Variants in GNAS observed in about 807,000 individuals in gnomAD.
GNAS encodes GNAS complex locus.
A neutral mutation model predicts 54.5 loss-of-function variants in GNAS; 8 were observed. That is an observed-to-expected ratio of 0.15 (90% CI 0.09 to 0.26). The LOEUF is 0.26. Among genes scored for constraint, GNAS ranks in the 10% least tolerant of loss-of-function variants. GNAS has a pLI of 1.00. For synonymous variants in GNAS, 204 were observed against 191.4 expected, an observed-to-expected ratio of 1.07 and a Z score of -0.54; for missense variants, 170 against 529.8, an observed-to-expected ratio of 0.32 and a Z score of 6.67.
chr20:58,900,049 A>G (rs1429726163), intron 3 of GNAS: 13 of 701,348 alleles, frequency 1.9e-5, no homozygotes, highest in Admixed American at 6.3e-5. Flanking sequence ...AACTTCTAAT[A>G]AGAATACTAT....
In GNAS at chr20:58,840,922, G is replaced by T. The variant is rs1181601026; in HGVS notation, c.43+36G>T. ...CACCGCTAAACTGGGGAGCCTGAGG[G>T]CGGTGTGGGAGCAGCGCAGGTGGAA... On this transcript the variant is annotated intron_variant, in intron 1 of 12. Transcript: ENST00000306090. This position sits in a 1 kb window ranked among gnomAD's most constrained non-coding sequence, Gnocchi z 6.0. The T allele has an allele frequency of 1.9e-6, 3 of 1,608,584 alleles. No individual in the cohort carries two copies. Among genetic ancestry groups the T allele is most frequent in the African/African-American group, 1.3e-5 (1 of 74,834 alleles).
rs775375002 is a variant in GNAS at position 58,909,643 on chromosome 20, G to C, written c.719-41G>C. On this transcript the variant is annotated intron_variant, in intron 9 of 12. Coordinates refer to ENST00000371085, the MANE Select transcript of GNAS (RefSeq NM_000516.7). The surrounding 1 kb of genome is among the most constrained non-coding windows in gnomAD (Gnocchi z 7.3). ...TTGCTTCTGTGTTGTTAGGGATCAG[G>C]GTCGCTGCTCACGCTCTTGGCTTTG... 6.2e-7 allele frequency: 1 copy of C among 1,614,112 alleles called. No individual in the cohort carries two copies.
chr20:58,899,227 T>G (rs908242215), intron 3 of GNAS, among the ~76,000 whole-genome samples: 8 of 152,236 alleles, frequency 5.3e-5, no homozygotes, highest in East Asian at 1.9e-4. Context: ...GGGAAAGTTA[T>G]AGATTTCAGC....
chr20:58,866,770 G>A (rs1442159297), intron 1 of GNAS, among the ~76,000 whole-genome samples: 1 of 149,010 alleles, frequency 6.7e-6, no homozygotes, highest in Non-Finnish European at 1.5e-5. Flanking sequence ...AAACAAAGGA[G>A]ATTTTTTTCT....
chr20:58,854,048 G>A lies in GNAS; in HGVS notation c.43+13162G>A, dbSNP rs545066346. On this transcript the variant is annotated intron_variant, in intron 1 of 12. Coordinates refer to the GNAS transcript ENST00000306090. Reference sequence around the variant, plus strand: ...GCCAGTTCGCGGCAGTCGCGGCCTCGAGTGCGGTCCGCCTCACTCCCGCCG... The same window carrying A: ...GCCAGTTCGCGGCAGTCGCGGCCTCAAGTGCGGTCCGCCTCACTCCCGCCG... The A allele has an allele frequency of 3.7e-6, 6 of 1,610,964 alleles. No homozygotes were observed. In the Admixed American group the frequency reaches 6.7e-5, roughly 18 times the overall value.
intron 1 of GNAS, among the ~76,000 whole-genome samples, chr20:58,871,440 C>T (rs187676203): frequency 3.8e-4 from 58 of 152,070 alleles, no homozygotes; most frequent in African/African-American, 1.3e-3. Flanking sequence ...CATGGAGAAA[C>T]ATCATCTCTA....
intron 1 of GNAS, among the ~76,000 whole-genome samples, chr20:58,851,756 G>A (rs1044545253): frequency 2.0e-5 from 3 of 152,220 alleles, no homozygotes; most frequent in Non-Finnish European, 2.9e-5. Context: ...CGCCTCAGTG[G>A]GCTCTAGCAG....
At chr20:58,902,976 T>C in intron 3 of GNAS, 1 of 200,122 alleles carries the variant, frequency 5.0e-6, no homozygotes, top group Non-Finnish European at 1.0e-5. Flanking sequence ...CCTCAGGCAG[T>C]CTGCCCGCCT....
At chr20:58,896,293 CAA>C (rs897032292) in intron 2 of GNAS, among the ~76,000 whole-genome samples, 3 of 151,898 alleles carry the variant, frequency 2.0e-5, no homozygotes, top group African/African-American at 7.2e-5. Flanking sequence ...AAACAAAAAA[CAA>C]ATCAGTACCC....
intron 1 of GNAS, chr20:58,854,282 C>A: frequency 6.2e-7 from 1 of 1,610,320 alleles, no homozygotes; most frequent in Non-Finnish European, 8.5e-7. Flanking sequence ...CCATCAAGGT[C>A]TCCGGAGCCC....
chr20:58,839,988 C>G, upstream of GNAS: 1 of 1,129,600 alleles, frequency 8.9e-7, no homozygotes, highest in Non-Finnish European at 1.3e-6. Flanking sequence ...GCTGGGACCT[C>G]CGGGCCAGCT....
rs1395630112 is a variant in GNAS at position 58,898,980 on chromosome 20, C to T, written c.252C>T (p.Ser84=). The part of the protein sequence containing the change: ...EEDPQAARSN[S]DGEKATKVQD... Reference sequence around the variant, plus strand: ...ACCCGCAGGCTGCAAGGAGCAACAGCGATGGGTAGGCACATTCAAAACCAG... The same window carrying T: ...ACCCGCAGGCTGCAAGGAGCAACAGTGATGGGTAGGCACATTCAAAACCAG... Residue 84 remains serine (S), a synonymous_variant, in exon 3 of 13, where the codon AGC becomes AGT. Transcript: ENST00000371085. 24 of 1,612,018 alleles carry T rather than the reference C, an allele frequency of 1.5e-5. No homozygotes were observed. Among genetic ancestry groups the T allele is most frequent in the East Asian group, 4.5e-5 (2 of 44,890 alleles).
chr20:58,903,221 T>G (rs181120648), intron 3 of GNAS: 1 of 468,600 alleles, frequency 2.1e-6, no homozygotes, highest in African/African-American at 2.0e-5. Context: ...CTTTAGGAAG[T>G]GTTAGTATGT....
chr20:58,909,427 A>G lies in GNAS; in HGVS notation c.659+4A>G, dbSNP rs2146272923. 1 of 1,612,712 alleles carries G rather than the reference A, an allele frequency of 6.2e-7. No homozygotes were observed. The highest frequency in any genetic ancestry group is 8.5e-7 in the Non-Finnish European group (1 of 1,178,710). ...AGGTGGACAAAGTCAACTTCCAGTA[A>G]GCCAACTGTTACCTTTTTATATAAC... On this transcript the variant is annotated splice_donor_region_variant and intron_variant, in intron 8 of 12. Coordinates refer to ENST00000371085, the MANE Select transcript of GNAS (RefSeq NM_000516.7). This position sits in a 1 kb window ranked among gnomAD's most constrained non-coding sequence, Gnocchi z 7.3.
Position 58,910,640 on chromosome 20 carries a change from T to G in GNAS, c.1039-43T>G. 6.2e-7 allele frequency: 1 copy of G among 1,612,778 alleles called. No individual in the cohort carries two copies. The highest frequency in any genetic ancestry group is 1.7e-4 in the Middle Eastern group (1 of 6,042). ...TCCCCATCAGGGATAGGGTGGTTCCTGGCGAGGGTGTCACTGACAAGTCCC... is the reference window on the plus strand; with the variant it reads ...TCCCCATCAGGGATAGGGTGGTTCCGGGCGAGGGTGTCACTGACAAGTCCC... On this transcript the variant is annotated intron_variant, in intron 12 of 12. Coordinates refer to ENST00000371085, the MANE Select transcript of GNAS (RefSeq NM_000516.7). This position sits in a 1 kb window ranked among gnomAD's most constrained non-coding sequence, Gnocchi z 5.8.
At chr20:58,888,999 G>A (rs1286174570), upstream of GNAS, 2 of 923,892 alleles carry the variant, frequency 2.2e-6, no homozygotes, top group Non-Finnish European at 2.6e-6. Flanking sequence ...ACGCCCGCGC[G>A]GTCCCGGCAC....
At position 58,885,821 on chromosome 20, in the gene GNAS, G is replaced by A. The variant is rs537530356; in HGVS notation, c.44-9791G>A. On this transcript the variant is annotated intron_variant, in intron 1 of 12. Transcript: ENST00000306090. ...ATTCTAGCTAATTAAAGTGCAGAAC[G>A]TGCTTTGAAGACAGGAAACACTGTG... Among the ~76,000 whole-genome samples, 20 of 152,318 alleles carry A rather than the reference G, an allele frequency of 1.3e-4. No individual in the cohort carries two copies. In the South Asian group the frequency reaches 3.7e-3, roughly 28 times the overall value.
chr20:58,889,978 CGGCTGCGGCGTT>C (rs1029308116), upstream of GNAS, among the ~76,000 whole-genome samples: 1 of 151,232 alleles, frequency 6.6e-6, no homozygotes, highest in African/African-American at 2.4e-5. Context: ...GCTGCGGCGG[CGGCTGCGGCGTT>C]GGCCGAGCCG....
intron 1 of GNAS, among the ~76,000 whole-genome samples, chr20:58,865,278 C>T (rs1329069611): frequency 6.6e-6 from 1 of 151,376 alleles, no homozygotes; most frequent in Non-Finnish European, 1.5e-5. Flanking sequence ...ATTAGCCGGG[C>T]GTGGTGGCGG....
Sources: allele counts gnomAD v4.1 joint callset (sites outside exome capture counted in the v4.1 genomes callset), GRCh38; gene constraint gnomAD v4.1.1; non-coding constraint Gnocchi (gnomAD v3.1); transcripts MANE v1.5; gene names NCBI Gene and HGNC (gene_info 2026-07-23, HGNC 2026-07-21).